Variants in SLC8A1 observed in about 807,000 individuals in gnomAD.
SLC8A1 encodes the protein sodium/calcium exchanger 1.
Under a neutral mutation model 68.3 loss-of-function variants are expected in SLC8A1, and 18 were observed. That is an observed-to-expected ratio of 0.26 (90% confidence interval 0.18 to 0.39). The LOEUF (loss-of-function observed/expected upper bound fraction) is 0.39. Among genes scored for constraint, SLC8A1 ranks in the 10% least tolerant of loss-of-function variants. SLC8A1 has a pLI of 1.00. For synonymous variants in SLC8A1, 475 were observed against 415.5 expected, an observed-to-expected ratio of 1.14 and a Z score of -1.74; for missense variants, 985 against 1,156.7, an observed-to-expected ratio of 0.85 and a Z score of 2.15.
At chr2:40,306,450 TGTG>T (rs929555799) in intron 2 of SLC8A1, among the ~76,000 whole-genome samples, 7 of 127,430 alleles carry the variant, frequency 5.5e-5, no homozygotes, top group Non-Finnish European at 8.3e-5. Flanking sequence ...AAGGAATGGT[TGTG>T]GGGGGGGGCA....
chr2:40,197,410 A>G (rs760409600), intron 2 of SLC8A1, among the ~76,000 whole-genome samples: 6 of 152,026 alleles, frequency 3.9e-5, no homozygotes, highest in Non-Finnish European at 5.9e-5. Flanking sequence ...AACACATCAT[A>G]AAGGAAAATG....
intron 1 of SLC8A1, among the ~76,000 whole-genome samples, chr2:40,431,989 G>C (rs1344081423): frequency 1.3e-5 from 2 of 152,100 alleles, no homozygotes; most frequent in Non-Finnish European, 2.9e-5. Flanking sequence ...TATAGCAGTA[G>C]AATTCAAAAC....
At chr2:40,275,604 T>A (rs2066601878) in intron 2 of SLC8A1, among the ~76,000 whole-genome samples, 1 of 152,120 alleles carries the variant, frequency 6.6e-6, no homozygotes, top group African/African-American at 2.4e-5. Flanking sequence ...TTACGTGGGT[T>A]TTACATGAGC....
At chr2:40,149,103 G>GACTTAAACTCTAAAATA (rs2042968398) in intron 6 of SLC8A1, among the ~76,000 whole-genome samples, 2 of 152,152 alleles carry the variant, frequency 1.3e-5, no homozygotes, top group East Asian at 3.8e-4. Context: ...TAAGTCTGTA[G>GACTTAAACTCTAAAATA]GTTTGAACTC....
At chr2:40,359,271 A>C (rs1460488958) in intron 2 of SLC8A1, among the ~76,000 whole-genome samples, 1 of 152,164 alleles carries the variant, frequency 6.6e-6, no homozygotes, top group African/African-American at 2.4e-5. Flanking sequence ...GACATTTTGG[A>C]CATTTTGGGT....
At chr2:40,241,012 G>GA (rs1275115806) in intron 2 of SLC8A1, among the ~76,000 whole-genome samples, 1 of 152,102 alleles carries the variant, frequency 6.6e-6, no homozygotes, top group Non-Finnish European at 1.5e-5. Flanking sequence ...ATACCCAAAG[G>GA]AAAATAAATC....
chr2:40,140,631 G>A (rs1283520109), intron 6 of SLC8A1, among the ~76,000 whole-genome samples: 1 of 152,238 alleles, frequency 6.6e-6, no homozygotes, highest in East Asian at 1.9e-4. Context: ...GGTCAAGTTT[G>A]AGAACCGCTT....
chr2:40,125,490 G>A (rs998947674), intron 7 of SLC8A1, among the ~76,000 whole-genome samples: 2 of 152,120 alleles, frequency 1.3e-5, no homozygotes, highest in African/African-American at 2.4e-5. Flanking sequence ...CCACCTACTC[G>A]TGTTAAGCAT....
At chr2:40,273,853 T>C (rs9808490) in intron 2 of SLC8A1, among the ~76,000 whole-genome samples, 65,017 of 149,744 alleles carry the variant, frequency 0.43, 14,973 homozygotes, top group East Asian at 0.73. Context: ...ACATAGTTAA[T>C]ATGCCAAGTC....
At chr2:40,283,285 T>C (rs1188621372) in intron 2 of SLC8A1, among the ~76,000 whole-genome samples, 1 of 152,246 alleles carries the variant, frequency 6.6e-6, no homozygotes, top group African/African-American at 2.4e-5. Flanking sequence ...GCTGGTGTCA[T>C]AGTAAGAGCC....
intron 2 of SLC8A1, among the ~76,000 whole-genome samples, chr2:40,204,955 C>A (rs1262428903): frequency 2.0e-5 from 3 of 151,896 alleles, no homozygotes; most frequent in Non-Finnish European, 4.4e-5. Context: ...GTGAGATGTG[C>A]CATTCCATCT....
intron 2 of SLC8A1, among the ~76,000 whole-genome samples, chr2:40,325,667 C>T (rs1033575527): frequency 5.3e-5 from 8 of 149,538 alleles, no homozygotes; most frequent in South Asian, 2.1e-4. Flanking sequence ...TTGGGCCGGG[C>T]GCACGCCTGT....
In SLC8A1 at chr2:40,258,991, T is replaced by C. The variant is rs1002385688; in HGVS notation, c.1809-81136A>G. ...TTCTTTAGAGTTTAGCACAGTTCTA[T>C]AGATTAATTACTATAAATTGTGAGA... is the stretch of plus-strand genomic sequence containing the variant. On this transcript the variant is annotated intron_variant, in intron 2 of 7. Coordinates refer to ENST00000406785, the Ensembl canonical transcript of SLC8A1. 3.7e-5 allele frequency among the ~76,000 whole-genome samples: 5 copies of C among 134,292 alleles called. No homozygotes were observed. In the East Asian group the frequency reaches 8.9e-4, roughly 24 times the overall value. The allele number at this position is 134,292 out of a possible 152,430, so 88.1% of individuals were successfully genotyped here.
At chr2:40,160,204 G>C (rs1257760490) in intron 6 of SLC8A1, among the ~76,000 whole-genome samples, 1 of 152,136 alleles carries the variant, frequency 6.6e-6, no homozygotes. Flanking sequence ...CCGTGAGTTT[G>C]AAAAACACTT....
intron 2 of SLC8A1, among the ~76,000 whole-genome samples, chr2:40,378,150 A>T (rs552129511): frequency 6.6e-6 from 1 of 152,250 alleles, no homozygotes; most frequent in South Asian, 2.1e-4. Flanking sequence ...TGAAAGGGAA[A>T]TAAGAAATAA....
At chr2:40,244,875 C>A (rs187674911) in intron 2 of SLC8A1, among the ~76,000 whole-genome samples, 363 of 152,204 alleles carry the variant, frequency 2.4e-3, no homozygotes, top group Non-Finnish European at 2.9e-3. Flanking sequence ...GTGGGTTTAA[C>A]AAAGAGAAGG....
chr2:40,200,981 C>G (rs1317309166), intron 2 of SLC8A1, among the ~76,000 whole-genome samples: 2 of 151,688 alleles, frequency 1.3e-5, no homozygotes, highest in African/African-American at 4.8e-5. Flanking sequence ...ACAACACTCT[C>G]TTCTCTTCTT....
chr2:40,312,613 A>T (rs911653538), intron 2 of SLC8A1, among the ~76,000 whole-genome samples: 1 of 152,164 alleles, frequency 6.6e-6, no homozygotes, highest in South Asian at 2.1e-4. Flanking sequence ...TGTATATTTC[A>T]TAAGTTTCTA....
chr2:40,462,537 G>A (rs1000136813), intron 1 of SLC8A1, among the ~76,000 whole-genome samples: 3 of 151,548 alleles, frequency 2.0e-5, no homozygotes, highest in African/African-American at 7.3e-5. Flanking sequence ...GGCGGGGCAT[G>A]GTGGTTCATG....
Sources: gnomAD v4.1 joint callset for allele counts (sites outside exome capture counted in the v4.1 genomes callset) on GRCh38, gnomAD v4.1.1 for gene constraint, MANE v1.5 for transcripts, NCBI Gene and HGNC (gene_info 2026-07-23, HGNC 2026-07-21) for gene names.